Variants in NINL observed in about 807,000 individuals in gnomAD.
NINL encodes ninein-like protein.
NINL carries 153 observed loss-of-function variants against 160.3 expected under a neutral mutation model. The ratio of observed to expected loss-of-function variants is 0.95; its 90% confidence interval spans 0.84 to 1.09. The LOEUF (loss-of-function observed/expected upper bound fraction) is 1.09, where lower values mean the gene tolerates loss of function less well. NINL is among the 50% of genes least tolerant of loss of function. The pLI, the probability that NINL is intolerant of heterozygous loss-of-function variation, is 0.00. For synonymous variants in NINL, 800 were observed against 734.8 expected (o/e 1.09, Z -1.43); for missense variants, 1,829 against 1,764.0 (o/e 1.04, Z -0.66).
intron 1 of NINL, among the ~76,000 whole-genome samples, chr20:25,572,016 T>G (rs897576800): frequency 4.6e-5 from 7 of 151,824 alleles, no homozygotes; most frequent in African/African-American, 1.7e-4. Flanking sequence ...CACCTGTCTA[T>G]AAAAACACTA....
chr20:25,508,118 A>C (rs2063997434), intron 5 of NINL, among the ~76,000 whole-genome samples: 1 of 152,252 alleles, frequency 6.6e-6, no homozygotes, highest in Non-Finnish European at 1.5e-5. Context: ...CTCAGCACAC[A>C]GGAATCTGCC....
At chr20:25,561,346 G>T (rs1270240744) in intron 1 of NINL, among the ~76,000 whole-genome samples, 1 of 152,172 alleles carries the variant, frequency 6.6e-6, no homozygotes, top group East Asian at 1.9e-4. Flanking sequence ...GTGCTCAATG[G>T]TGCCCAGGCT....
chr20:25,490,065 TTC>T, intron 11 of NINL, 80 bp from the exon 12 acceptor site: 3 of 1,242,290 alleles, frequency 2.4e-6, no homozygotes. Context: ...AGAGGCTTGC[TTC>T]TCATAGGACT....
chr20:25,510,237 G>C (rs967996513), intron 5 of NINL, among the ~76,000 whole-genome samples: 2 of 152,232 alleles, frequency 1.3e-5, no homozygotes, highest in African/African-American at 4.8e-5. Flanking sequence ...ACCCTGGTGG[G>C]TGCTGAGACT....
chr20:25,452,854 C>A lies in NINL; in HGVS notation c.*597G>T, dbSNP rs545822849. On this transcript the variant is annotated 3_prime_UTR_variant, in exon 24 of 24. Transcript: ENST00000278886. The stretch of plus-strand genomic sequence containing the variant: ...TATAGTACAATTTCCAGTGTGATGA[C>A]ATTTCAATGGGAAAAAGATTGTGCA... 6.7e-6 allele frequency: 1 copy of A among 149,440 alleles called. No homozygotes were observed. The allele number at this position is 149,440 out of a possible 1,614,324, so 9.3% of individuals were successfully genotyped here.
intron 10 of NINL, among the ~76,000 whole-genome samples, chr20:25,492,762 T>A (rs778482251): frequency 2.7e-4 from 41 of 152,230 alleles, no homozygotes; most frequent in Non-Finnish European, 4.7e-4. Context: ...ATCATTTTTT[T>A]AAGAATTATG....
At chr20:25,532,838 T>C (rs1230004369) in intron 1 of NINL, among the ~76,000 whole-genome samples, 1 of 152,142 alleles carries the variant, frequency 6.6e-6, no homozygotes, top group African/African-American at 2.4e-5. Context: ...TCTCCTCCCA[T>C]ACACCCGATA....
At position 25,517,690 on chromosome 20, in the gene NINL, A is replaced by G. The variant is rs371295600; in HGVS notation, c.277+63T>C. 1.4e-5 allele frequency: 17 copies of G among 1,259,066 alleles called. No individual in the cohort carries two copies. The African/African-American group carries it at 1.4e-4, about 10-fold the overall frequency. The allele number at this position is 1,259,066 out of a possible 1,614,324, so 78.0% of individuals were successfully genotyped here. A position where few individuals can be genotyped will look rare whatever the true frequency, so the allele number is the denominator to read the frequency against. ...AGAACTGCTGGATTCTTTCATTAGAATATTACACTCCAAAAGTTAACAAAC... is the reference window on the plus strand; with the variant it reads ...AGAACTGCTGGATTCTTTCATTAGAGTATTACACTCCAAAAGTTAACAAAC... On this transcript the variant is annotated intron_variant, in intron 3 of 23. Coordinates refer to ENST00000278886, the MANE Select transcript of NINL (RefSeq NM_025176.6).
intron 1 of NINL, among the ~76,000 whole-genome samples, chr20:25,562,973 T>C (rs891447543): frequency 6.6e-6 from 1 of 152,134 alleles, no homozygotes; most frequent in Non-Finnish European, 1.5e-5. Context: ...GAGACCATCC[T>C]GGCTAACACG....
At chr20:25,535,083 C>T (rs980775463) in intron 1 of NINL, among the ~76,000 whole-genome samples, 3 of 152,160 alleles carry the variant, frequency 2.0e-5, no homozygotes, top group African/African-American at 7.2e-5. Context: ...ATTATTACAC[C>T]TCAAAAAGGA....
intron 1 of NINL, among the ~76,000 whole-genome samples, chr20:25,570,827 C>T (rs1002152432): frequency 6.6e-6 from 1 of 150,770 alleles, no homozygotes; most frequent in African/African-American, 2.4e-5. Context: ...CTCAGCCTCT[C>T]GAGTAGCTGG....
intron 19 of NINL, among the ~76,000 whole-genome samples, chr20:25,465,137 TACAAGGCAG>T (rs2062880895): frequency 6.6e-6 from 1 of 152,128 alleles, no homozygotes; most frequent in Non-Finnish European, 1.5e-5. Flanking sequence ...ATTTCCAGTT[TACAAGGCAG>T]ACAAGTGACA....
chr20:25,497,220 G>A (rs1002737426), intron 9 of NINL, among the ~76,000 whole-genome samples: 1 of 152,224 alleles, frequency 6.6e-6, no homozygotes, highest in Non-Finnish European at 1.5e-5. Context: ...AGCCCTGCAT[G>A]GGCATCCCAG....
At chr20:25,511,388 G>A (rs539859771) in intron 4 of NINL, among the ~76,000 whole-genome samples, 25 of 152,256 alleles carry the variant, frequency 1.6e-4, no homozygotes, top group African/African-American at 5.8e-4. Flanking sequence ...TAAAAACCTC[G>A]TGCTGCAGTG....
intron 14 of NINL, among the ~76,000 whole-genome samples, chr20:25,481,171 G>A (rs2063380136): frequency 6.6e-6 from 1 of 152,166 alleles, no homozygotes; most frequent in African/African-American, 2.4e-5. Context: ...GTTCTCCCGG[G>A]GTTACAGATG....
At chr20:25,515,464 T>C (rs373103683) in intron 3 of NINL, among the ~76,000 whole-genome samples, 1 of 152,212 alleles carries the variant, frequency 6.6e-6, no homozygotes, top group East Asian at 1.9e-4. Context: ...GATGAGACTT[T>C]GGACTTGGGT....
At chr20:25,499,212 C>T (rs928898908) in intron 8 of NINL, 27 of 985,216 alleles carry the variant, frequency 2.7e-5, no homozygotes, top group African/African-American at 1.2e-4. Context: ...GCTGGGGAGC[C>T]GCCTGGAAAG....
intron 1 of NINL, among the ~76,000 whole-genome samples, chr20:25,526,978 C>T (rs1347028399): frequency 1.3e-5 from 2 of 152,134 alleles, no homozygotes; most frequent in South Asian, 2.1e-4. Flanking sequence ...CTGCAGGGGC[C>T]TTGACAGTGC....
intron 1 of NINL, among the ~76,000 whole-genome samples, chr20:25,570,117 G>T (rs1298029274): frequency 1.3e-5 from 2 of 152,104 alleles, no homozygotes; most frequent in Non-Finnish European, 2.9e-5. Flanking sequence ...GAGGCAGAGG[G>T]TGCAGTGAGC....
Sources: gnomAD v4.1 joint callset for allele counts (sites outside exome capture counted in the v4.1 genomes callset) on GRCh38, gnomAD v4.1.1 for gene constraint, MANE v1.5 for transcripts, NCBI Gene and HGNC (gene_info 2026-07-23, HGNC 2026-07-21) for gene names.